Variants in MYO5B observed in about 807,000 individuals in gnomAD.
MYO5B encodes the protein myosin VB, also known as unconventional myosin-Vb.
In MYO5B, 143 loss-of-function variants were observed where a neutral mutation model predicts 229.3. The observed-to-expected ratio is 0.62, with a 90% CI of 0.54 to 0.72. The LOEUF is 0.72. MYO5B is among the 30% of genes least tolerant of loss of function. MYO5B has a pLI of 0.00. For missense variants in MYO5B, 2,321 were observed against 2,331.0 expected (o/e 1.00, Z 0.09); for synonymous variants, 918 against 885.2 (o/e 1.04, Z -0.66).
intron 17 of MYO5B, among the ~76,000 whole-genome samples, chr18:49,921,531 G>A (rs1242360943): frequency 6.6e-6 from 1 of 152,124 alleles, no homozygotes; most frequent in East Asian, 1.9e-4. Context: ...ATTTCAAATT[G>A]AGTGACACAT....
At chr18:50,013,606 C>T (rs1395967735) in intron 4 of MYO5B, among the ~76,000 whole-genome samples, 1 of 152,214 alleles carries the variant, frequency 6.6e-6, no homozygotes, top group Non-Finnish European at 1.5e-5. Flanking sequence ...TTACTCACCT[C>T]CCTGCCCTCT....
intron 36 of MYO5B, among the ~76,000 whole-genome samples, chr18:49,838,618 G>C (rs997822514): frequency 6.6e-6 from 1 of 151,562 alleles, no homozygotes; most frequent in Non-Finnish European, 1.5e-5. Context: ...AGCACAGTGA[G>C]TAATGCATCT....
intron 10 of MYO5B, among the ~76,000 whole-genome samples, chr18:49,967,372 TGGA>T (rs1167761146): frequency 2.0e-5 from 3 of 152,204 alleles, no homozygotes; most frequent in Non-Finnish European, 4.4e-5. Context: ...CTCCATGACC[TGGA>T]GAGAGAACAG....
chr18:50,059,398 T>C (rs568951649), intron 1 of MYO5B, among the ~76,000 whole-genome samples: 1 of 152,286 alleles, frequency 6.6e-6, no homozygotes, highest in South Asian at 2.1e-4. Context: ...GAGAGTAACA[T>C]CTATCCAGTG....
intron 2 of MYO5B, 43 bp downstream of exon 2, chr18:50,055,225 G>GGCCCCCCGCC: frequency 2.9e-6 from 2 of 700,372 alleles, no homozygotes; most frequent in Non-Finnish European, 5.3e-6. Flanking sequence ...TGAGCTCCCT[G>GGCCCCCCGCC]CCCCACCTCA....
At chr18:49,916,297 A>G (rs1179407343) in intron 17 of MYO5B, among the ~76,000 whole-genome samples, 1 of 152,244 alleles carries the variant, frequency 6.6e-6, no homozygotes, top group African/African-American at 2.4e-5. Flanking sequence ...CTGCAAAGAC[A>G]TCAAGGCCAG....
At chr18:49,949,332 A>G (rs3112028) in intron 14 of MYO5B, among the ~76,000 whole-genome samples, 3 of 58,264 alleles carry the variant, frequency 5.1e-5, no homozygotes, top group African/African-American at 3.3e-4. Flanking sequence ...GGAAAACTGG[A>G]AAAAAAAAAA....
chr18:49,941,229 C>T (rs946914914), intron 14 of MYO5B, among the ~76,000 whole-genome samples: 11 of 152,168 alleles, frequency 7.2e-5, no homozygotes, highest in African/African-American at 2.7e-4. Flanking sequence ...GACTTGCATG[C>T]AAATAAAAGT....
chr18:50,105,248 TAAA>T (rs142685025), intron 1 of MYO5B, among the ~76,000 whole-genome samples: 1 of 131,600 alleles, frequency 7.6e-6, no homozygotes, highest in Non-Finnish European at 1.6e-5. Context: ...AATAAATAAA[TAAA>T]AAATAGATAA....
intron 14 of MYO5B, among the ~76,000 whole-genome samples, chr18:49,948,064 T>TAA (rs72234345): frequency 6.6e-6 from 1 of 151,400 alleles, no homozygotes; most frequent in African/African-American, 2.4e-5. Context: ...AGTATAATAA[T>TAA]AATAAAATAA....
intron 14 of MYO5B, among the ~76,000 whole-genome samples, chr18:49,947,544 G>A (rs1047221296): frequency 1.3e-5 from 2 of 152,122 alleles, no homozygotes; most frequent in Non-Finnish European, 2.9e-5. Flanking sequence ...GACATATATA[G>A]TGTATAGTAA....
chr18:49,967,014 A>G (rs779722655), intron 10 of MYO5B, among the ~76,000 whole-genome samples: 3 of 152,234 alleles, frequency 2.0e-5, no homozygotes, highest in Non-Finnish European at 2.9e-5. Context: ...ACAACATTAA[A>G]GTGTCACAAA....
chr18:50,136,363 AC>A (rs1205135176), intron 1 of MYO5B, among the ~76,000 whole-genome samples: 1 of 91,944 alleles, frequency 1.1e-5, no homozygotes, highest in African/African-American at 3.9e-5. Flanking sequence ...TTTTTTTTTT[AC>A]TTTTTTTTTT....
intron 17 of MYO5B, among the ~76,000 whole-genome samples, chr18:49,919,319 C>T (rs188308650): frequency 4.9e-4 from 74 of 152,074 alleles, no homozygotes; most frequent in Non-Finnish European, 9.1e-4. Context: ...AAGAAATAAA[C>T]AGATTTCTTC....
chr18:49,929,730 T>C lies in MYO5B; in HGVS notation c.2004-132A>G. ...CTGCCACTGAGTTACAGCCACTGAG[T>C]TACCCTTGAGCTCAAGTCAGGGATT... On this transcript the variant is annotated intron_variant, in intron 16 of 39. Coordinates refer to ENST00000285039, the MANE Select transcript of MYO5B (RefSeq NM_001080467.3). The C allele has an allele frequency of 7.4e-6, 6 of 807,588 alleles. No individual in the cohort carries two copies. In the South Asian group the frequency reaches 7.5e-5, roughly 10 times the overall value. The allele number at this position is 807,588 out of a possible 1,614,324, so 50.0% of individuals were successfully genotyped here.
At chr18:50,010,138 G>A (rs1370627841) in intron 4 of MYO5B, among the ~76,000 whole-genome samples, 2 of 152,196 alleles carry the variant, frequency 1.3e-5, no homozygotes, top group Non-Finnish European at 2.9e-5. Flanking sequence ...TTGGTAAGAT[G>A]AAAATGAACC....
At position 50,020,166 on chromosome 18, in the gene MYO5B, G is replaced by A. The variant is rs553922379; in HGVS notation, c.455+16684C>T. 1.4e-4 allele frequency among the ~76,000 whole-genome samples: 21 copies of A among 152,278 alleles called. No homozygotes were observed. The South Asian group carries it at 3.5e-3, about 26-fold the overall frequency. On this transcript the variant is annotated intron_variant, in intron 4 of 39. Coordinates refer to ENST00000285039, the MANE Select transcript of MYO5B (RefSeq NM_001080467.3). ...TGCATTGACTATGCATCAGCTCACA[G>A]CATACATTGCAGGCTCAGGTTCATA... is the stretch of plus-strand genomic sequence containing the variant.
intron 17 of MYO5B, among the ~76,000 whole-genome samples, chr18:49,927,283 A>T (rs1333693446): frequency 6.6e-6 from 1 of 152,146 alleles, no homozygotes; most frequent in Non-Finnish European, 1.5e-5. Flanking sequence ...TATTGTGAAA[A>T]TGACCATACT....
At chr18:50,051,253 T>C (rs1030746704) in intron 2 of MYO5B, among the ~76,000 whole-genome samples, 8 of 152,172 alleles carry the variant, frequency 5.3e-5, no homozygotes, top group African/African-American at 1.9e-4. Flanking sequence ...CCTCCAAATG[T>C]CAGGGTGGGC....
Sources: gnomAD v4.1 joint callset for allele counts (sites outside exome capture counted in the v4.1 genomes callset) on GRCh38, gnomAD v4.1.1 for gene constraint, MANE v1.5 for transcripts, NCBI Gene and HGNC (gene_info 2026-07-23, HGNC 2026-07-21) for gene names.